Variants in MCTP1 observed in about 807,000 individuals in gnomAD.
The protein encoded by MCTP1 is multiple C2 and transmembrane domain-containing protein 1.
In MCTP1, 69 loss-of-function variants were observed where a neutral mutation model predicts 120.6. That is an observed-to-expected ratio of 0.57 (90% CI 0.47 to 0.70). The LOEUF (loss-of-function observed/expected upper bound fraction) is 0.70, where lower values mean the gene tolerates loss of function less well. MCTP1 is among the 30% of genes least tolerant of loss of function. The pLI, the probability that MCTP1 is intolerant of heterozygous loss-of-function variation, is 0.00. For synonymous variants in MCTP1, 529 were observed against 493.1 expected, an observed-to-expected ratio of 1.07 and a Z score of -0.96; for missense variants, 1,203 against 1,248.8, an observed-to-expected ratio of 0.96 and a Z score of 0.55.
At chr5:94,956,536 C>G (rs1282223597) in intron 2 of MCTP1, among the ~76,000 whole-genome samples, 1 of 152,050 alleles carries the variant, frequency 6.6e-6, no homozygotes, top group East Asian at 1.9e-4. Flanking sequence ...GTTAGAGGAA[C>G]TACTAAATAG....
intron 1 of MCTP1, among the ~76,000 whole-genome samples, chr5:95,096,471 A>G (rs1756274459): frequency 6.6e-6 from 1 of 152,094 alleles, no homozygotes; most frequent in Non-Finnish European, 1.5e-5. Context: ...TAGGCTACCT[A>G]CCTTCTACTT....
intron 1 of MCTP1, among the ~76,000 whole-genome samples, chr5:95,034,025 A>C (rs1241201525): frequency 6.6e-6 from 1 of 152,112 alleles, no homozygotes; most frequent in East Asian, 1.9e-4. Flanking sequence ...AAAGAGGTAA[A>C]AGATCTCTAC....
intron 11 of MCTP1, among the ~76,000 whole-genome samples, chr5:94,889,440 A>G (rs560619252): frequency 1.3e-5 from 2 of 152,126 alleles, no homozygotes; most frequent in African/African-American, 4.8e-5. Context: ...TACAAAAAAA[A>G]TTAGCCAGGC....
At chr5:95,076,968 T>G (rs189037250) in intron 1 of MCTP1, among the ~76,000 whole-genome samples, 1 of 152,184 alleles carries the variant, frequency 6.6e-6, no homozygotes, top group South Asian at 2.1e-4. Flanking sequence ...CTTGTAAACT[T>G]GAAACAATAA....
intron 20 of MCTP1, among the ~76,000 whole-genome samples, chr5:94,712,848 C>A (rs1352156047): frequency 1.3e-5 from 2 of 151,942 alleles, no homozygotes; most frequent in Non-Finnish European, 2.9e-5. Context: ...CACACGACTC[C>A]ACGTGTGAGG....
chr5:94,858,332 T>C lies in MCTP1; in HGVS notation c.2436+10001A>G, dbSNP rs943606047. 4.0e-5 allele frequency among the ~76,000 whole-genome samples: 6 copies of C among 151,646 alleles called. No individual in the cohort carries two copies. The South Asian group carries it at 1.2e-3, about 31-fold the overall frequency. ...ATACACACATCTCTGCAGTGTTTTG[T>C]GGAGCTATAGTGTGATGTGATTTCC... On this transcript the variant is annotated intron_variant, in intron 17 of 22. Coordinates refer to ENST00000515393, the MANE Select transcript of MCTP1 (RefSeq NM_024717.7).
At chr5:94,877,845 T>C (rs1799250700) in intron 12 of MCTP1, 2 of 152,204 alleles carry the variant, frequency 1.3e-5, no homozygotes. Context: ...ATAGAGTTAA[T>C]CCTGATCCAT....
At chr5:94,885,030 C>T (rs925373874) in intron 12 of MCTP1, among the ~76,000 whole-genome samples, 6 of 152,142 alleles carry the variant, frequency 3.9e-5, no homozygotes, top group Admixed American at 2.0e-4. Context: ...TTTAATGGGA[C>T]TATTTCAGTG....
chr5:95,211,894 G>C (rs1472621240), intron 1 of MCTP1, among the ~76,000 whole-genome samples: 1 of 152,096 alleles, frequency 6.6e-6, no homozygotes, highest in Non-Finnish European at 1.5e-5. Flanking sequence ...CCTTCTGACA[G>C]ACAGGACCCT....
intron 1 of MCTP1, among the ~76,000 whole-genome samples, chr5:95,187,061 A>C (rs1029681201): frequency 6.6e-6 from 1 of 152,220 alleles, no homozygotes; most frequent in African/African-American, 2.4e-5. Context: ...AAAAACTAAA[A>C]ATAAAGCTAG....
At chr5:95,249,108 A>G (rs1291191386) in intron 1 of MCTP1, among the ~76,000 whole-genome samples, 1 of 152,324 alleles carries the variant, frequency 6.6e-6, no homozygotes. Context: ...ATGAGTAAAG[A>G]CTTCATGACT....
chr5:94,785,836 G>C (rs925305996), intron 18 of MCTP1, among the ~76,000 whole-genome samples: 1 of 152,064 alleles, frequency 6.6e-6, no homozygotes, highest in Non-Finnish European at 1.5e-5. Flanking sequence ...ACATTTTAAA[G>C]AGTAGCATGT....
intron 9 of MCTP1, among the ~76,000 whole-genome samples, chr5:94,910,857 A>G (rs1014227056): frequency 6.8e-6 from 1 of 147,492 alleles, no homozygotes; most frequent in Non-Finnish European, 1.5e-5. Flanking sequence ...ATGGCACTGA[A>G]TGAAGGCTAT....
chr5:94,798,099 G>A (rs1374091992), intron 18 of MCTP1, among the ~76,000 whole-genome samples: 1 of 64,608 alleles, frequency 1.5e-5, no homozygotes, highest in African/African-American at 4.3e-5. Context: ...GATCCTTGAT[G>A]GTAAAAAAAA....
At chr5:95,134,928 G>A (rs993138957) in intron 1 of MCTP1, among the ~76,000 whole-genome samples, 2 of 126,720 alleles carry the variant, frequency 1.6e-5, no homozygotes, top group African/African-American at 5.8e-5. Flanking sequence ...AAGCAATTGT[G>A]GTTTAATACA....
chr5:95,251,777 C>T (rs905998923), intron 1 of MCTP1, among the ~76,000 whole-genome samples: 2 of 151,956 alleles, frequency 1.3e-5, no homozygotes, highest in African/African-American at 2.4e-5. Context: ...TTTAGTCATC[C>T]AATCCTCACA....
At position 95,077,388 on chromosome 5, in the gene MCTP1, T is replaced by G. The variant is rs993491336; in HGVS notation, c.721-59904A>C. ...ATCTGTCTCTTTTTTTCTCTGCATA[T>G]GAATAATGTGTGTAAATATATATGT... On this transcript the variant is annotated intron_variant, in intron 1 of 22. Coordinates refer to ENST00000515393, the MANE Select transcript of MCTP1 (RefSeq NM_024717.7). 9.2e-5 allele frequency among the ~76,000 whole-genome samples: 14 copies of G among 152,316 alleles called. No homozygotes were observed. The East Asian group carries it at 2.7e-3, about 29-fold the overall frequency.
chr5:95,186,392 C>T (rs1749216429), intron 1 of MCTP1, among the ~76,000 whole-genome samples: 1 of 151,538 alleles, frequency 6.6e-6, no homozygotes, highest in African/African-American at 2.4e-5. Flanking sequence ...CATGCAGAAA[C>T]TGAAATTTAA....
intron 1 of MCTP1, among the ~76,000 whole-genome samples, chr5:95,184,351 C>T (rs138535398): frequency 5.5e-4 from 83 of 152,186 alleles, no homozygotes; most frequent in African/African-American, 2.0e-3. Context: ...ATATTCAGGT[C>T]CAGATAATTT....
Sources: gnomAD v4.1 joint callset for allele counts (sites outside exome capture counted in the v4.1 genomes callset) on GRCh38, gnomAD v4.1.1 for gene constraint, MANE v1.5 for transcripts, NCBI Gene and HGNC (gene_info 2026-07-23, HGNC 2026-07-21) for gene names.